LRRIQ1: variants seen among roughly 807,000 people sequenced by gnomAD.
The protein encoded by LRRIQ1 is leucine rich repeats and IQ motif containing 1, also known as leucine-rich repeat- and IQ domain-containing protein 1.
Under a neutral mutation model 211.9 loss-of-function variants are expected in LRRIQ1, and 210 were observed. The observed-to-expected ratio is 0.99, with a 90% CI of 0.89 to 1.11. The LOEUF (loss-of-function observed/expected upper bound fraction) is 1.11. Among genes scored for constraint, LRRIQ1 ranks in the 50% most tolerant of loss-of-function variants. The pLI, the probability that LRRIQ1 is intolerant of heterozygous loss-of-function variation, is 0.00. For missense variants in LRRIQ1, 2,136 were observed against 1,939.5 expected (o/e 1.10, Z -1.90); for synonymous variants, 699 against 650.1 (o/e 1.08, Z -1.14).
chr12:85,122,196 A>G (rs1888035801), intron 16 of LRRIQ1, among the ~76,000 whole-genome samples: 1 of 152,194 alleles, frequency 6.6e-6, no homozygotes, highest in Non-Finnish European at 1.5e-5. Context: ...TGTAGGCAAG[A>G]CTATTTATCC....
In LRRIQ1 at chr12:85,055,769, G is replaced by T. The variant is rs763392354; in HGVS notation, c.976G>T (p.Ala326Ser). 6.2e-7 allele frequency: 1 copy of T among 1,604,514 alleles called. No individual in the cohort carries two copies. Among genetic ancestry groups the T allele is most frequent in the Non-Finnish European group, 8.5e-7 (1 of 1,175,276 alleles). Residue 326 changes from alanine (A) to serine (S), a missense_variant, in exon 8 of 27, where the codon GCA becomes TCA. Ala to Ser is a moderately conservative substitution (Grantham distance 99). Coordinates refer to ENST00000393217, the MANE Select transcript of LRRIQ1 (RefSeq NM_001079910.2). ...AGCACAAGAGTGGAAGGAAAAGGAA[G>T]CAAAAATACGACAAAAGGAGGAAGA... is the stretch of plus-strand genomic sequence containing the variant. ...RKAQEWKEKEAKIRQKEEENR... is the reference protein window; with the variant it reads ...RKAQEWKEKESKIRQKEEENR...
At chr12:85,125,246 G>A (rs1888296697) in intron 17 of LRRIQ1, among the ~76,000 whole-genome samples, 1 of 152,034 alleles carries the variant, frequency 6.6e-6, no homozygotes, top group Non-Finnish European at 1.5e-5. Flanking sequence ...TTTGCCCATT[G>A]ATTTAATAAA....
rs1890295087 is a variant in LRRIQ1, at chr12:85,152,292, G to T, written c.4342G>T (p.Glu1448Ter). ...ATTATTTGTGCAGGCTGCCTTAGAA[G>T]AAGAATGGCTAGCATTAGATTCCAC... ...DFIFDEAALE[E>*]EWLALDSTRF... The change falls in exon 20 of 27, where the codon GAA (glutamate) becomes TAA (stop). Residue 1448 changes from glutamate (E) to a stop codon, truncating the protein, a stop_gained. Transcript: ENST00000393217. LOFTEE classifies it high-confidence loss of function. 1.2e-6 allele frequency: 2 copies of T among 1,609,494 alleles called. No individual in the cohort carries two copies. The highest frequency in any genetic ancestry group is 2.2e-5 in the South Asian group (2 of 90,610).
chr12:85,235,878 G>T (rs370711936), intron 26 of LRRIQ1, among the ~76,000 whole-genome samples: 1 of 152,030 alleles, frequency 6.6e-6, no homozygotes. Flanking sequence ...AGAATATGTG[G>T]GTCAACTTTG....
chr12:85,080,706 T>G (rs1884191427), intron 11 of LRRIQ1, among the ~76,000 whole-genome samples: 1 of 151,498 alleles, frequency 6.6e-6, no homozygotes, highest in African/African-American at 2.4e-5. Context: ...TTTGCATTTT[T>G]ATAGTATCTA....
At chr12:85,119,060 T>C (rs1244025420) in intron 15 of LRRIQ1, among the ~76,000 whole-genome samples, 1 of 152,124 alleles carries the variant, frequency 6.6e-6, no homozygotes, top group Non-Finnish European at 1.5e-5. Flanking sequence ...TCACTCTTGG[T>C]GTTTCATAAT....
intron 24 of LRRIQ1, among the ~76,000 whole-genome samples, chr12:85,192,741 A>G (rs1254939698): frequency 9.8e-6 from 1 of 102,508 alleles, no homozygotes; most frequent in Non-Finnish European, 1.7e-5. Flanking sequence ...ATATACTATA[A>G]TTATATATAA....
intron 24 of LRRIQ1, among the ~76,000 whole-genome samples, chr12:85,187,529 G>A (rs949610198): frequency 1.3e-5 from 2 of 151,980 alleles, no homozygotes; most frequent in Non-Finnish European, 2.9e-5. Flanking sequence ...TGGGTCAGCC[G>A]GGCGCGGTGG....
chr12:85,113,963 G>A (rs1887381565), intron 15 of LRRIQ1, among the ~76,000 whole-genome samples: 1 of 145,438 alleles, frequency 6.9e-6, no homozygotes, highest in African/African-American at 2.6e-5. Context: ...CCACCTAAAT[G>A]TGTTTCTAGA....
At chr12:85,053,851 G>A in intron 7 of LRRIQ1, among the ~76,000 whole-genome samples, 1 of 152,084 alleles carries the variant, frequency 6.6e-6, no homozygotes, top group East Asian at 1.9e-4. Context: ...GGGACTACAG[G>A]CGCCCGCCAC....
At chr12:85,147,272 C>T (rs76937186) in intron 19 of LRRIQ1, among the ~76,000 whole-genome samples, 26 of 151,828 alleles carry the variant, frequency 1.7e-4, no homozygotes, top group East Asian at 1.4e-3. Context: ...CAAAAATCCA[C>T]GAGATGAGAG....
At chr12:85,176,143 G>T (rs1303340767) in intron 24 of LRRIQ1, among the ~76,000 whole-genome samples, 1 of 152,102 alleles carries the variant, frequency 6.6e-6, no homozygotes, top group African/African-American at 2.4e-5. Flanking sequence ...CATGAGCATG[G>T]AATGTTCTTC....
At chr12:85,133,413 G>C (rs766524807) in intron 18 of LRRIQ1, among the ~76,000 whole-genome samples, 8 of 152,120 alleles carry the variant, frequency 5.3e-5, no homozygotes, top group Non-Finnish European at 1.0e-4. Context: ...AGAGATCTCA[G>C]TATGTGTAAA....
chr12:85,170,466 ATAT>A (rs1029327204), intron 24 of LRRIQ1, among the ~76,000 whole-genome samples: 2 of 150,686 alleles, frequency 1.3e-5, no homozygotes, highest in South Asian at 2.1e-4. Context: ...GTATATGCAC[ATAT>A]TATATGTATA....
chr12:85,201,829 T>A (rs979047911), intron 24 of LRRIQ1, among the ~76,000 whole-genome samples: 15 of 152,084 alleles, frequency 9.9e-5, no homozygotes, highest in Admixed American at 6.5e-5. Flanking sequence ...TCTGCTAGCT[T>A]TTAAGTTGGT....
intron 24 of LRRIQ1, among the ~76,000 whole-genome samples, chr12:85,225,345 A>C (rs1286565423): frequency 6.6e-6 from 1 of 152,154 alleles, no homozygotes; most frequent in African/African-American, 2.4e-5. Context: ...AGGAACAACT[A>C]TGTGTGTAAA....
intron 24 of LRRIQ1, among the ~76,000 whole-genome samples, chr12:85,225,014 A>G (rs1037561976): frequency 3.3e-5 from 5 of 152,148 alleles, no homozygotes; most frequent in Admixed American, 6.6e-5. Context: ...AAAATAGGAT[A>G]TGAAGAAGAC....
intron 26 of LRRIQ1, 48 bp downstream of exon 26, chr12:85,232,804 C>G: frequency 7.6e-7 from 1 of 1,318,202 alleles, no homozygotes; most frequent in South Asian, 1.2e-5. Flanking sequence ...GACACTAGTG[C>G]TCAAATAAAT....
intron 24 of LRRIQ1, among the ~76,000 whole-genome samples, chr12:85,220,859 C>T (rs897539213): frequency 4.9e-5 from 7 of 142,652 alleles, no homozygotes; most frequent in African/African-American, 1.3e-4. Flanking sequence ...CCAGGTTGGA[C>T]GGCAGTGGCG....
Sources: allele counts gnomAD v4.1 joint callset (sites outside exome capture counted in the v4.1 genomes callset), GRCh38; gene constraint gnomAD v4.1.1; transcripts MANE v1.5; gene names NCBI Gene and HGNC (gene_info 2026-07-23, HGNC 2026-07-21).